Variants in PRKAG2 observed in about 807,000 individuals in gnomAD.
The protein encoded by PRKAG2 is protein kinase AMP-activated non-catalytic subunit gamma 2, also known as 5'-AMP-activated protein kinase subunit gamma-2.
Under a neutral mutation model 69.6 loss-of-function variants are expected in PRKAG2, and 26 were observed. That is an observed-to-expected ratio of 0.37 (90% CI 0.27 to 0.52). The LOEUF (loss-of-function observed/expected upper bound fraction) is 0.52. Among genes scored for constraint, PRKAG2 ranks in the 20% least tolerant of loss-of-function variants. PRKAG2 has a pLI of 0.90. For missense variants in PRKAG2, 557 were observed against 740.0 expected, an observed-to-expected ratio of 0.75 and a Z score of 2.87; for synonymous variants, 293 against 285.0, an observed-to-expected ratio of 1.03 and a Z score of -0.28.
chr7:151,701,084 C>A (rs571319355), intron 3 of PRKAG2, among the ~76,000 whole-genome samples: 64 of 152,322 alleles, frequency 4.2e-4, no homozygotes, highest in Non-Finnish European at 7.9e-4. Context: ...AGAGTCCACC[C>A]CCTTCCACCT....
intron 4 of PRKAG2, among the ~76,000 whole-genome samples, chr7:151,640,531 C>A (rs1826498510): frequency 6.6e-6 from 1 of 152,134 alleles, no homozygotes; most frequent in Non-Finnish European, 1.5e-5. Context: ...GGTTTCTGAG[C>A]ATTCTGGCCT....
At chr7:151,715,631 C>T (rs1015814782) in intron 3 of PRKAG2, among the ~76,000 whole-genome samples, 8 of 152,186 alleles carry the variant, frequency 5.3e-5, no homozygotes, top group Non-Finnish European at 1.2e-4. Flanking sequence ...GCTGCGATTA[C>T]AAGCGTGAGC....
chr7:151,678,278 G>C (rs1440898041), intron 3 of PRKAG2, among the ~76,000 whole-genome samples: 1 of 152,198 alleles, frequency 6.6e-6, no homozygotes, highest in Non-Finnish European at 1.5e-5. Flanking sequence ...CTGTCTTGGG[G>C]ACGGGGGTCC....
chr7:151,736,484 T>C, intron 3 of PRKAG2: 1 of 850,034 alleles, frequency 1.2e-6, no homozygotes, highest in Non-Finnish European at 1.4e-6. Context: ...CCGTGCATGA[T>C]GTCTCTTTAA....
intron 1 of PRKAG2, among the ~76,000 whole-genome samples, chr7:151,840,796 C>T (rs1399086365): frequency 2.6e-5 from 4 of 152,210 alleles, no homozygotes; most frequent in African/African-American, 7.2e-5. Flanking sequence ...GCTGCCCACC[C>T]GAGTCTCAGG....
intron 4 of PRKAG2, among the ~76,000 whole-genome samples, chr7:151,649,286 T>C (rs1039862853): frequency 1.3e-5 from 2 of 152,102 alleles, no homozygotes; most frequent in East Asian, 3.9e-4. Context: ...CCACCACACC[T>C]GGCTAAGTTG....
intron 1 of PRKAG2, among the ~76,000 whole-genome samples, chr7:151,839,012 CAAAA>C (rs749220807): frequency 2.5e-5 from 2 of 80,042 alleles, no homozygotes; most frequent in Non-Finnish European, 5.5e-5. Context: ...GAGACTGTCT[CAAAA>C]AAAAAAAAAA....
At chr7:151,796,448 C>T (rs1356924509) in intron 1 of PRKAG2, among the ~76,000 whole-genome samples, 3 of 152,210 alleles carry the variant, frequency 2.0e-5, no homozygotes, top group Admixed American at 6.5e-5. Context: ...ATTCACAGTA[C>T]GTGAAGGGCA....
intron 1 of PRKAG2, 35 bp from the exon 2 acceptor site, chr7:151,786,576 T>C (rs1586530526): frequency 1.9e-6 from 3 of 1,577,736 alleles, no homozygotes; most frequent in Non-Finnish European, 2.6e-6. Context: ...TCAGTGACAG[T>C]GGCCCTCGGG....
intron 3 of PRKAG2, among the ~76,000 whole-genome samples, chr7:151,725,524 G>A (rs1322708444): frequency 6.6e-6 from 1 of 150,846 alleles, no homozygotes; most frequent in Non-Finnish European, 1.5e-5. Flanking sequence ...TGGGTACATT[G>A]GTAAATTTTA....
chr7:151,569,734 G>A (rs1462871966), intron 10 of PRKAG2, among the ~76,000 whole-genome samples: 2 of 152,194 alleles, frequency 1.3e-5, no homozygotes, highest in South Asian at 2.1e-4. Context: ...CGGGCCAGAC[G>A]ACTACACAGA....
At position 151,632,742 on chromosome 7, in the gene PRKAG2, C is replaced by T; in HGVS notation, c.685-604G>A. 1 of 298,324 alleles carries T rather than the reference C, an allele frequency of 3.4e-6. No homozygotes were observed. The highest frequency in any genetic ancestry group is 5.0e-6 in the Non-Finnish European group (1 of 201,530). 18.5% of individuals were successfully genotyped at this position (298,324 alleles called of 1,614,324 possible). A position where few individuals can be genotyped will look rare whatever the true frequency, so the allele number is the denominator to read the frequency against. On this transcript the variant is annotated intron_variant, in intron 4 of 15. Coordinates refer to ENST00000287878, the MANE Select transcript of PRKAG2 (RefSeq NM_016203.4). The surrounding 1 kb of genome is among the most constrained non-coding windows in gnomAD (Gnocchi z 4.2). ...CAAATTTTAGATGTAACTGCCCATC[C>T]TCGGCCCCCTTAACAAAAATCGTTC...
chr7:151,682,644 G>A (rs889681548), intron 3 of PRKAG2, among the ~76,000 whole-genome samples: 3 of 152,202 alleles, frequency 2.0e-5, no homozygotes, highest in East Asian at 3.8e-4. Context: ...CAGCTTCCAC[G>A]GGCCAAGTAT....
intron 15 of PRKAG2, 78 bp from the exon 16 acceptor site, chr7:151,557,310 G>A: frequency 6.2e-7 from 1 of 1,613,094 alleles, no homozygotes; most frequent in Non-Finnish European, 8.5e-7. Flanking sequence ...TTCTACCTGT[G>A]TCTGGCAGTG....
intron 3 of PRKAG2, among the ~76,000 whole-genome samples, chr7:151,709,634 CTG>C (rs1351545368): frequency 1.3e-5 from 2 of 152,122 alleles, no homozygotes; most frequent in Non-Finnish European, 2.9e-5. Flanking sequence ...ACACATGTGA[CTG>C]TCAGTGACAT....
In PRKAG2 at chr7:151,795,391, G is replaced by A. The variant is rs1005281000; in HGVS notation, c.115-8850C>T. Among the ~76,000 whole-genome samples the A allele has an allele frequency of 9.9e-5, 15 of 152,064 alleles. 1 individual carries two copies. Among genetic ancestry groups the A allele is most frequent in the Non-Finnish European group, 1.6e-4 (11 of 68,020 alleles). ...GGTGTGGCCTGGGCTGCAGGTTGCCGCCTCCATCCGGAGTAGCTGCGGTCT... is the reference window on the plus strand; with the variant it reads ...GGTGTGGCCTGGGCTGCAGGTTGCCACCTCCATCCGGAGTAGCTGCGGTCT... On this transcript the variant is annotated intron_variant, in intron 1 of 15. Transcript: ENST00000287878.
intron 3 of PRKAG2, among the ~76,000 whole-genome samples, chr7:151,679,867 C>A (rs7791936): frequency 0.36 from 54,570 of 151,274 alleles, 9,963 homozygotes; most frequent in Middle Eastern, 0.39. Flanking sequence ...GAGTTTGAGA[C>A]CACCTAGGGC....
chr7:151,628,370 C>A (rs1297582061), intron 5 of PRKAG2, among the ~76,000 whole-genome samples: 1 of 152,154 alleles, frequency 6.6e-6, no homozygotes, highest in African/African-American at 2.4e-5. Context: ...ACAAACACAG[C>A]AAAGACGTGG....
At chr7:151,795,875 AT>A (rs2077496049) in intron 1 of PRKAG2, among the ~76,000 whole-genome samples, 3 of 115,394 alleles carry the variant, frequency 2.6e-5, no homozygotes, top group African/African-American at 1.1e-4. Flanking sequence ...ATATATATAT[AT>A]ATATATATAT....
Sources: gnomAD v4.1 joint callset for allele counts (sites outside exome capture counted in the v4.1 genomes callset) on GRCh38, gnomAD v4.1.1 for gene constraint, Gnocchi (gnomAD v3.1) non-coding constraint, MANE v1.5 for transcripts, NCBI Gene and HGNC (gene_info 2026-07-23, HGNC 2026-07-21) for gene names.